The following GPATCH8 variants were observed in gnomAD, a reference collection of about 807,000 sequenced individuals.
GPATCH8 encodes the protein G-patch domain containing 8, also known as G patch domain-containing protein 8.
Under a neutral mutation model 118.3 loss-of-function variants are expected in GPATCH8, and 18 were observed. The observed-to-expected ratio is 0.15, with a 90% CI of 0.11 to 0.23. The LOEUF is 0.23. Ranked by LOEUF, GPATCH8 falls within the 10% of genes least tolerant of loss-of-function variation. GPATCH8 has a pLI of 1.00. For missense variants in GPATCH8, 1,631 were observed against 1,873.8 expected (o/e 0.87, Z 2.39); for synonymous variants, 659 against 684.7 (o/e 0.96, Z 0.59).
At chr17:44,492,467 A>G (rs1424551528) in intron 1 of GPATCH8, among the ~76,000 whole-genome samples, 919 of 102,362 alleles carry the variant, frequency 9.0e-3, no homozygotes, top group Middle Eastern at 0.071. Context: ...AGCTACTCGG[A>G]AGGCTGAGGC....
intron 6 of GPATCH8, among the ~76,000 whole-genome samples, chr17:44,419,471 A>C (rs2049811056): frequency 6.6e-6 from 1 of 152,100 alleles, no homozygotes; most frequent in African/African-American, 2.4e-5. Flanking sequence ...AGGTCAATTA[A>C]AGATTCCTTA....
chr17:44,459,745 A>G (rs1169668727), intron 3 of GPATCH8, among the ~76,000 whole-genome samples: 4 of 152,158 alleles, frequency 2.6e-5, no homozygotes, highest in African/African-American at 9.7e-5. Context: ...AAAAAAAGCA[A>G]GACTTGAGGG....
At chr17:44,429,647 TAAAC>T (rs1334869449) in intron 5 of GPATCH8, among the ~76,000 whole-genome samples, 1 of 34,736 alleles carries the variant, frequency 2.9e-5, no homozygotes, top group African/African-American at 7.2e-5. Flanking sequence ...CCGTCTCTAC[TAAAC>T]ACACACACAC....
chr17:44,398,945 TCCC>T lies in GPATCH8; in HGVS notation c.3129_3131del (p.Gly1044del). On this transcript the variant is annotated inframe_deletion, in exon 8 of 8. Transcript: ENST00000591680. ...CATCATCTTTCTTCCCAGGACCTTCTCCCCGGCCTGATCGGAAATAGTGGGGGG... is the reference window on the plus strand; with the variant it reads ...CATCATCTTTCTTCCCAGGACCTTCTCGGCCTGATCGGAAATAGTGGGGGG... 6.2e-7 allele frequency: 1 copy of T among 1,614,102 alleles called. No individual in the cohort carries two copies. Among genetic ancestry groups the T allele is most frequent in the Non-Finnish European group, 8.5e-7 (1 of 1,180,022 alleles).
chr17:44,473,907 A>G (rs1967515184), intron 2 of GPATCH8: 2 of 152,248 alleles, frequency 1.3e-5, no homozygotes, highest in African/African-American at 4.8e-5. Flanking sequence ...AATAAAAGCT[A>G]AAGTTAAAAT....
intron 3 of GPATCH8, chr17:44,436,882 TCC>T: frequency 3.4e-6 from 1 of 296,144 alleles, no homozygotes; most frequent in Non-Finnish European, 6.5e-6. Flanking sequence ...CCAAATAACT[TCC>T]CATCAAGTAT....
chr17:44,417,946 G>A (rs556935472), intron 6 of GPATCH8, among the ~76,000 whole-genome samples: 1 of 152,086 alleles, frequency 6.6e-6, no homozygotes, highest in South Asian at 2.1e-4. Context: ...TTTAAAATTT[G>A]GGAATCAACT....
chr17:44,483,920 C>T (rs552123764), intron 1 of GPATCH8, among the ~76,000 whole-genome samples: 9 of 152,260 alleles, frequency 5.9e-5, no homozygotes, highest in African/African-American at 2.2e-4. Context: ...CAGCTCACTG[C>T]AACCTCCACC....
chr17:44,400,088 G>T lies in GPATCH8; in HGVS notation c.1989C>A (p.Pro663=). The T allele has an allele frequency of 1.9e-6, 3 of 1,613,836 alleles. No homozygotes were observed. Among genetic ancestry groups the T allele is most frequent in the Non-Finnish European group, 2.5e-6 (3 of 1,180,028 alleles). Residue 663 remains proline (P), a synonymous_variant, in exon 8 of 8, where the codon CCC becomes CCA. Coordinates refer to ENST00000591680, the MANE Select transcript of GPATCH8 (RefSeq NM_001002909.4). ...ACTTCCCAGATCGTTCTTTCTTGCTGGGAAGGCTTCTCCCTGTGTCTTCTG... is the reference window on the plus strand; with the variant it reads ...ACTTCCCAGATCGTTCTTTCTTGCTTGGAAGGCTTCTCCCTGTGTCTTCTG... The part of the protein sequence containing the change: ...SETEDTGRSL[P]SKKERSGKSH...
chr17:44,432,856 G>A (rs1190571047), intron 5 of GPATCH8, among the ~76,000 whole-genome samples: 2 of 152,068 alleles, frequency 1.3e-5, no homozygotes, highest in Non-Finnish European at 2.9e-5. Context: ...TCAATAAGAT[G>A]GGGAAAGTAA....
chr17:44,474,778 C>T (rs1967596543), intron 2 of GPATCH8, 51 bp downstream of exon 2: 2 of 885,422 alleles, frequency 2.3e-6, no homozygotes, highest in South Asian at 2.6e-5. Context: ...GTCACACGAA[C>T]ACTACCTAAC....
At chr17:44,458,231 A>G (rs1000485428) in intron 3 of GPATCH8, among the ~76,000 whole-genome samples, 1 of 151,180 alleles carries the variant, frequency 6.6e-6, no homozygotes, top group African/African-American at 2.4e-5. Flanking sequence ...AGCCTGGGCA[A>G]CAAAGCAAGA....
Position 44,400,710 on chromosome 17 carries a change from T to C in GPATCH8, c.1367A>G (p.Lys456Arg). ...CTGCTCAGAGACTTCACTAACTGTC[T>C]TTTCTGCTCCTTGGCTTGCTGCCGC... ...IKAAASQGAE[K>R]TVSEVSEQPK... Residue 456 changes from lysine to arginine, a missense_variant, in exon 8 of 8, where the codon AAG becomes AGG. By Grantham distance (26) the Lys-to-Arg change is conservative (BLOSUM62 2). Coordinates refer to ENST00000591680, the MANE Select transcript of GPATCH8 (RefSeq NM_001002909.4). 1.2e-6 allele frequency: 2 copies of C among 1,611,262 alleles called. No homozygotes were observed. Among genetic ancestry groups the C allele is most frequent in the Non-Finnish European group, 1.7e-6 (2 of 1,178,318 alleles).
intron 6 of GPATCH8, among the ~76,000 whole-genome samples, chr17:44,414,117 GTATA>G (rs3065772): frequency 2.9e-5 from 4 of 138,090 alleles, no homozygotes; most frequent in South Asian, 4.4e-4. Context: ...ATATATATAT[GTATA>G]TATATGTGTA....
chr17:44,475,229 A>C (rs1432857760), intron 1 of GPATCH8, among the ~76,000 whole-genome samples: 11 of 151,778 alleles, frequency 7.2e-5, no homozygotes, highest in Admixed American at 6.6e-4. Flanking sequence ...AATTACAAAA[A>C]ATTAGCTGGC....
intron 1 of GPATCH8, among the ~76,000 whole-genome samples, chr17:44,475,407 C>T (rs535656849): frequency 1.4e-5 from 2 of 141,246 alleles, no homozygotes; most frequent in South Asian, 4.5e-4. Flanking sequence ...AAAGAAAAAA[C>T]TTTATAAAAG....
chr17:44,449,301 T>C (rs1397048951), intron 3 of GPATCH8, among the ~76,000 whole-genome samples: 1 of 152,034 alleles, frequency 6.6e-6, no homozygotes, highest in East Asian at 1.9e-4. Flanking sequence ...TAAAATAAAA[T>C]ATCATTTCCT....
intron 5 of GPATCH8, among the ~76,000 whole-genome samples, chr17:44,432,486 G>C (rs1213198984): frequency 6.6e-6 from 1 of 152,184 alleles, no homozygotes; most frequent in African/African-American, 2.4e-5. Context: ...TGGCAGCTCT[G>C]AGGGCCCAGT....
intron 6 of GPATCH8, among the ~76,000 whole-genome samples, chr17:44,418,588 G>A (rs2049776972): frequency 6.6e-6 from 1 of 151,932 alleles, no homozygotes; most frequent in South Asian, 2.1e-4. Context: ...CCCAGTAGCT[G>A]GGACTACAGG....
Sources: gnomAD v4.1 joint callset for allele counts (sites outside exome capture counted in the v4.1 genomes callset) on GRCh38, gnomAD v4.1.1 for gene constraint, MANE v1.5 for transcripts, NCBI Gene and HGNC (gene_info 2026-07-23, HGNC 2026-07-21) for gene names.